JARID2: variants seen among roughly 807,000 people sequenced by gnomAD.
JARID2 encodes the protein protein Jumonji.
A neutral mutation model predicts 125.6 loss-of-function variants in JARID2; 21 were observed. The observed-to-expected ratio is 0.17, with a 90% CI of 0.12 to 0.24. The LOEUF is 0.24. Among genes scored for constraint, JARID2 ranks in the 10% least tolerant of loss-of-function variants. The pLI, the probability that JARID2 is intolerant of heterozygous loss-of-function variation, is 1.00. For synonymous variants in JARID2, 736 were observed against 661.6 expected (o/e 1.11, Z -1.73); for missense variants, 1,303 against 1,639.6 (o/e 0.79, Z 3.55).
intron 2 of JARID2, among the ~76,000 whole-genome samples, chr6:15,402,777 G>T (rs1476023442): frequency 6.6e-6 from 1 of 152,214 alleles, no homozygotes; most frequent in South Asian, 2.1e-4. Flanking sequence ...ATAGAAGCTC[G>T]AGTTGCATAT....
chr6:15,509,004 G>C (rs2127759497), intron 12 of JARID2: 2 of 1,289,384 alleles, frequency 1.6e-6, no homozygotes, highest in Non-Finnish European at 2.0e-6. Flanking sequence ...ATCGGTGGCT[G>C]TGGGGAGTAG....
intron 7 of JARID2, among the ~76,000 whole-genome samples, chr6:15,497,567 C>G (rs925287915): frequency 6.6e-6 from 1 of 151,092 alleles, no homozygotes; most frequent in Non-Finnish European, 1.5e-5. Flanking sequence ...AGGAGAATGG[C>G]GTGAACCCAG....
At position 15,258,662 on chromosome 6, in the gene JARID2, A is replaced by G. The variant is rs138515681; in HGVS notation, c.45+12078A>G. 5.6e-3 allele frequency among the ~76,000 whole-genome samples: 851 copies of G among 152,234 alleles called. 9 individuals carry two copies. Among genetic ancestry groups the G allele is most frequent in the African/African-American group, 0.02 (813 of 41,538 alleles). ...CCAGGTGTGGTGGCAAGCGCCTGTAATCCCAGCTACTTGGGAGGCTGAGGC... is the reference window on the plus strand; with the variant it reads ...CCAGGTGTGGTGGCAAGCGCCTGTAGTCCCAGCTACTTGGGAGGCTGAGGC... On this transcript the variant is annotated intron_variant, in intron 1 of 17. Coordinates refer to ENST00000341776, the MANE Select transcript of JARID2 (RefSeq NM_004973.4).
At chr6:15,492,307 G>T (rs527920556) in intron 6 of JARID2, among the ~76,000 whole-genome samples, 18 of 152,354 alleles carry the variant, frequency 1.2e-4, no homozygotes, top group African/African-American at 3.8e-4. Flanking sequence ...TGTAGCCCAC[G>T]TCGGCGCTAA....
At chr6:15,413,542 A>AT (rs1378987311) in intron 3 of JARID2, among the ~76,000 whole-genome samples, 3 of 152,218 alleles carry the variant, frequency 2.0e-5, no homozygotes, top group African/African-American at 7.2e-5. Flanking sequence ...TTCTTGCTGC[A>AT]TTATAACTTG....
At chr6:15,468,826 G>T (rs775915934) in intron 5 of JARID2, 108 bp downstream of exon 5, 96 of 1,093,524 alleles carry the variant, frequency 8.8e-5, no homozygotes, top group Non-Finnish European at 1.2e-4. Context: ...CTCGTTCTGG[G>T]TACTTCTCCA....
At chr6:15,410,106 ATTCTC>A in intron 2 of JARID2, 113 bp from the exon 3 acceptor site, 1 of 926,412 alleles carries the variant, frequency 1.1e-6, no homozygotes, top group Non-Finnish European at 1.6e-6. Flanking sequence ...GTGCTTTTAA[ATTCTC>A]TTCTATCCAC....
intron 4 of JARID2, among the ~76,000 whole-genome samples, chr6:15,460,532 C>T (rs1455065569): frequency 6.6e-6 from 1 of 152,192 alleles, no homozygotes; most frequent in African/African-American, 2.4e-5. Flanking sequence ...ACCTTGCTGA[C>T]TGAAGGGGTT....
intron 1 of JARID2, among the ~76,000 whole-genome samples, chr6:15,283,043 A>G (rs1760823160): frequency 6.6e-6 from 1 of 150,968 alleles, no homozygotes; most frequent in Non-Finnish European, 1.5e-5. Context: ...TAGTGGCGCG[A>G]TCTTGGCTCA....
At chr6:15,309,289 T>C (rs1193862169) in intron 1 of JARID2, among the ~76,000 whole-genome samples, 1 of 152,150 alleles carries the variant, frequency 6.6e-6, no homozygotes, top group African/African-American at 2.4e-5. Flanking sequence ...CATTATTCTC[T>C]ATGTGGAGAC....
intron 5 of JARID2, among the ~76,000 whole-genome samples, chr6:15,480,837 T>G (rs1769577892): frequency 6.6e-6 from 1 of 152,190 alleles, no homozygotes; most frequent in Non-Finnish European, 1.5e-5. Context: ...AGTCTGTGCA[T>G]GGAGTGAGGG....
chr6:15,295,105 T>A (rs1190486249), intron 1 of JARID2, among the ~76,000 whole-genome samples: 1 of 146,658 alleles, frequency 6.8e-6, no homozygotes, highest in Non-Finnish European at 1.5e-5. Flanking sequence ...AGATGTGTCA[T>A]TTCTTTTTTT....
At chr6:15,413,009 T>G (rs71535038) in intron 3 of JARID2, among the ~76,000 whole-genome samples, 3 of 43,720 alleles carry the variant, frequency 6.9e-5, no homozygotes, top group Non-Finnish European at 1.3e-4. Context: ...TGTGTTTTTG[T>G]TTTTTTTTTT....
At chr6:15,344,437 A>ACTAGC in intron 1 of JARID2, among the ~76,000 whole-genome samples, 1 of 152,186 alleles carries the variant, frequency 6.6e-6, no homozygotes, top group Non-Finnish European at 1.5e-5. Context: ...TGAGAGTCCT[A>ACTAGC]CTAAAGTCTG....
chr6:15,396,050 A>T (rs972900727), intron 2 of JARID2, among the ~76,000 whole-genome samples: 1 of 152,184 alleles, frequency 6.6e-6, no homozygotes, highest in African/African-American at 2.4e-5. Context: ...ATTTTACTTT[A>T]TACTATTGAG....
intron 5 of JARID2, among the ~76,000 whole-genome samples, chr6:15,469,491 G>T (rs967698825): frequency 5.4e-5 from 8 of 147,744 alleles, no homozygotes; most frequent in African/African-American, 2.0e-4. Context: ...GGAGTGCAGT[G>T]GCGCGATCTC....
intron 1 of JARID2, among the ~76,000 whole-genome samples, chr6:15,341,621 G>C (rs1763073321): frequency 6.6e-6 from 1 of 152,144 alleles, no homozygotes; most frequent in Non-Finnish European, 1.5e-5. Flanking sequence ...TTGGTGGGGG[G>C]TAATACTGTA....
At chr6:15,407,865 A>G (rs1297804219) in intron 2 of JARID2, among the ~76,000 whole-genome samples, 3 of 152,174 alleles carry the variant, frequency 2.0e-5, no homozygotes, top group East Asian at 1.9e-4. Context: ...GCCCTGGCAT[A>G]TAGTATTTGT....
intron 1 of JARID2, among the ~76,000 whole-genome samples, chr6:15,365,103 C>T (rs1010875243): frequency 6.6e-6 from 1 of 152,122 alleles, no homozygotes; most frequent in African/African-American, 2.4e-5. Flanking sequence ...ATTCTAGTAA[C>T]ATAAATTCCC....
Sources: allele counts gnomAD v4.1 joint callset (sites outside exome capture counted in the v4.1 genomes callset), GRCh38; gene constraint gnomAD v4.1.1; transcripts MANE v1.5; gene names NCBI Gene and HGNC (gene_info 2026-07-23, HGNC 2026-07-21).